KALRN: variants seen among roughly 807,000 people sequenced by gnomAD.
KALRN encodes the protein kalirin RhoGEF kinase.
In KALRN, 70 loss-of-function variants were observed where a neutral mutation model predicts 353.7. That is an observed-to-expected ratio of 0.20 (90% CI 0.16 to 0.24). KALRN has a LOEUF of 0.24. Ranked by LOEUF, KALRN falls within the 10% of genes least tolerant of loss-of-function variation. The probability of loss-of-function intolerance (pLI) is 1.00; values close to 1 mark genes in which losing one functional copy is unlikely to be tolerated. For missense variants in KALRN, 2,791 were observed against 3,756.7 expected, an observed-to-expected ratio of 0.74 and a Z score of 6.72; for synonymous variants, 1,391 against 1,434.8, an observed-to-expected ratio of 0.97 and a Z score of 0.69.
chr3:124,609,988 A>G (rs1467920691), intron 34 of KALRN, among the ~76,000 whole-genome samples: 3 of 152,164 alleles, frequency 2.0e-5, no homozygotes, highest in Admixed American at 6.5e-5. Flanking sequence ...CTTTTTATTC[A>G]TTTAATATTT....
At chr3:124,267,557 G>A (rs531906131) in intron 4 of KALRN, among the ~76,000 whole-genome samples, 3 of 152,334 alleles carry the variant, frequency 2.0e-5, no homozygotes, top group African/African-American at 7.2e-5. Context: ...AATTTCTAGG[G>A]ATGAGGTTTG....
rs777015853 is a variant in KALRN at position 124,702,105 on chromosome 3, T to C, written c.8064T>C (p.Asn2688=). Residue 2688 remains asparagine (N), a synonymous_variant, in exon 57 of 60, where the codon AAT becomes AAC. Transcript: ENST00000682506. The stretch of plus-strand genomic sequence containing the variant: ...TTGACTCAGCTTACACTGAGCTGAA[T>C]GAAATTGGAAGGTAATGACACAGTT... ...ENFDSAYTEL[N]EIGRGRFSIV... 1.2e-6 allele frequency: 2 copies of C among 1,611,998 alleles called. No individual in the cohort carries two copies. The highest frequency in any genetic ancestry group is 1.7e-6 in the Non-Finnish European group (2 of 1,178,348).
At chr3:124,603,354 G>A (rs1465413279) in intron 34 of KALRN, among the ~76,000 whole-genome samples, 1 of 152,170 alleles carries the variant, frequency 6.6e-6, no homozygotes, top group African/African-American at 2.4e-5. Flanking sequence ...AGCCTTGGCA[G>A]CCTCTAATTG....
In KALRN at chr3:124,697,482, A is replaced by G. The variant is rs940042035; in HGVS notation, c.7700-111A>G. 6.3e-6 allele frequency: 7 copies of G among 1,103,404 alleles called. No homozygotes were observed. In the African/African-American group the frequency reaches 9.6e-5, roughly 15 times the overall value. 68.4% of individuals were successfully genotyped at this position (1,103,404 alleles called of 1,614,324 possible). On this transcript the variant is annotated intron_variant, in intron 54 of 59. Transcript: ENST00000682506. ...TATGCCACTTGGTGGAGAAGGTCACAGGAAAAAATTGTGACATCGGTTAGG... is the reference window on the plus strand; with the variant it reads ...TATGCCACTTGGTGGAGAAGGTCACGGGAAAAAATTGTGACATCGGTTAGG...
intron 10 of KALRN, among the ~76,000 whole-genome samples, chr3:124,356,469 G>T (rs1157604354): frequency 6.6e-6 from 1 of 151,732 alleles, no homozygotes; most frequent in African/African-American, 2.4e-5. Context: ...GAGTAGCTGG[G>T]ATTACAGGTG....
At chr3:124,498,327 C>G (rs765952584) in intron 33 of KALRN, among the ~76,000 whole-genome samples, 1 of 152,158 alleles carries the variant, frequency 6.6e-6, no homozygotes, top group Non-Finnish European at 1.5e-5. Flanking sequence ...GTGTGAATCT[C>G]TACTTATGTA....
At chr3:124,067,690 AC>A (rs1392680239) in intron 1 of KALRN, among the ~76,000 whole-genome samples, 1 of 152,180 alleles carries the variant, frequency 6.6e-6, no homozygotes, top group Non-Finnish European at 1.5e-5. Flanking sequence ...GTTTATGGAA[AC>A]CAGAATTGAG....
intron 1 of KALRN, among the ~76,000 whole-genome samples, chr3:124,204,408 T>C (rs1295864040): frequency 1.3e-5 from 2 of 152,224 alleles, no homozygotes; most frequent in Non-Finnish European, 2.9e-5. Flanking sequence ...ACTAATTTCT[T>C]TATTTTTCAC....
chr3:124,110,345 A>G (rs1920626), intron 1 of KALRN, among the ~76,000 whole-genome samples: 714 of 2,642 alleles, frequency 0.27, 307 homozygotes, highest in East Asian at 0.95. Context: ...TGACATATAT[A>G]TCATACTTTG....
At chr3:124,587,863 A>G (rs1006068379) in intron 34 of KALRN, among the ~76,000 whole-genome samples, 2 of 149,722 alleles carry the variant, frequency 1.3e-5, no homozygotes, top group African/African-American at 4.9e-5. Flanking sequence ...CCAGGCTAAT[A>G]TTTTTATTTT....
At chr3:124,652,725 C>T (rs1161599461) in intron 38 of KALRN, among the ~76,000 whole-genome samples, 1 of 152,100 alleles carries the variant, frequency 6.6e-6, no homozygotes, top group Admixed American at 6.5e-5. Flanking sequence ...CTACAGGCAC[C>T]CGCCACCGCA....
At chr3:124,406,627 T>C (rs575254775) in intron 13 of KALRN, among the ~76,000 whole-genome samples, 2 of 152,288 alleles carry the variant, frequency 1.3e-5, no homozygotes, top group East Asian at 3.9e-4. Context: ...TGAAATGCCA[T>C]GGACCCTTTC....
chr3:124,302,944 CTATT>C (rs912915149), intron 6 of KALRN, among the ~76,000 whole-genome samples: 3 of 152,126 alleles, frequency 2.0e-5, no homozygotes, highest in Non-Finnish European at 4.4e-5. Context: ...ACTTAATTAC[CTATT>C]TAAACACCCT....
At chr3:124,065,632 TAA>T (rs56298061) in intron 1 of KALRN, among the ~76,000 whole-genome samples, 113,438 of 131,544 alleles carry the variant, frequency 0.86, 49,444 homozygotes, top group South Asian at 0.97. Flanking sequence ...ATTCCTTAGT[TAA>T]AAAAAAAAAA....
In KALRN at chr3:124,309,251, T is replaced by C. The variant is rs1473482946; in HGVS notation, c.1092+10338T>C. 2.1e-5 allele frequency among the ~76,000 whole-genome samples: 3 copies of C among 143,378 alleles called. No homozygotes were observed. In the Admixed American group the frequency reaches 2.1e-4, roughly 10 times the overall value. The allele number at this position is 143,378 out of a possible 152,430, so 94.1% of individuals were successfully genotyped here. ...AATACTCATTTTTTGTAAGCTTATA[T>C]TAAAAAAAAAAAGATGAGGGAACAT... On this transcript the variant is annotated intron_variant, in intron 6 of 59. Coordinates refer to ENST00000682506, the MANE Select transcript of KALRN (RefSeq NM_001388419.1).
rs2150862850 is a variant in KALRN at position 124,722,030 on chromosome 3, C to G, written c.*2560C>G. The G allele has an allele frequency of 6.6e-6, 1 of 152,262 alleles. No individual in the cohort carries two copies. Among genetic ancestry groups the G allele is most frequent in the African/African-American group, 2.4e-5 (1 of 41,548 alleles). The allele number at this position is 152,262 out of a possible 1,614,324, so 9.4% of individuals were successfully genotyped here. A position where few individuals can be genotyped will look rare whatever the true frequency, so the allele number is the denominator to read the frequency against. On this transcript the variant is annotated 3_prime_UTR_variant, in exon 60 of 60. Coordinates refer to ENST00000682506, the MANE Select transcript of KALRN (RefSeq NM_001388419.1). ...TGTAGGCTCTGAGGATTCCCAATAT[C>G]CATAAAGTCCAGCTTGGCAAGTTCT... is the stretch of plus-strand genomic sequence containing the variant.
intron 1 of KALRN, among the ~76,000 whole-genome samples, chr3:124,061,204 T>C (rs944448117): frequency 1.3e-5 from 2 of 152,196 alleles, no homozygotes; most frequent in Non-Finnish European, 2.9e-5. Context: ...CTGAATTAAC[T>C]AAACTGTGGT....
At chr3:124,048,889 G>A (rs1249506120) in intron 1 of KALRN, among the ~76,000 whole-genome samples, 2 of 152,184 alleles carry the variant, frequency 1.3e-5, no homozygotes, top group African/African-American at 4.8e-5. Context: ...TTCTGTGGAC[G>A]GGTGTTTGTT....
At chr3:124,157,654 G>T (rs150379730) in intron 1 of KALRN, among the ~76,000 whole-genome samples, 1 of 152,278 alleles carries the variant, frequency 6.6e-6, no homozygotes, top group African/African-American at 2.4e-5. Flanking sequence ...CCGAAATAAG[G>T]GGGGTAGAAG....
Sources: gnomAD v4.1 joint callset for allele counts (sites outside exome capture counted in the v4.1 genomes callset) on GRCh38, gnomAD v4.1.1 for gene constraint, MANE v1.5 for transcripts, NCBI Gene and HGNC (gene_info 2026-07-23, HGNC 2026-07-21) for gene names.